TOX: variants seen among roughly 807,000 people sequenced by gnomAD.
The protein encoded by TOX is thymocyte selection associated high mobility group box, also known as thymocyte selection-associated high mobility group box protein TOX.
Under a neutral mutation model 53.7 loss-of-function variants are expected in TOX, and 11 were observed. The observed-to-expected ratio is 0.20, with a 90% confidence interval of 0.13 to 0.34. The LOEUF (loss-of-function observed/expected upper bound fraction) is 0.34, where lower values mean the gene tolerates loss of function less well. TOX is among the 10% of genes least tolerant of loss of function. The pLI, the probability that TOX is intolerant of heterozygous loss-of-function variation, is 1.00. For missense variants in TOX, 570 were observed against 664.6 expected (o/e 0.86, Z 1.56); for synonymous variants, 225 against 245.3 (o/e 0.92, Z 0.77).
intron 3 of TOX, among the ~76,000 whole-genome samples, chr8:58,893,220 A>G (rs376414048): frequency 3.3e-5 from 5 of 151,376 alleles, no homozygotes; most frequent in Non-Finnish European, 5.9e-5. Context: ...TCCCCCCCAC[A>G]AAACACAGAC....
At chr8:58,979,509 A>C (rs1340318018) in intron 1 of TOX, among the ~76,000 whole-genome samples, 1 of 152,220 alleles carries the variant, frequency 6.6e-6, no homozygotes, top group Non-Finnish European at 1.5e-5. Flanking sequence ...CCAAGACTGC[A>C]ACTTCATTCT....
At chr8:58,992,659 TG>T (rs1241667694) in intron 1 of TOX, 1 of 152,246 alleles carries the variant, frequency 6.6e-6, no homozygotes, top group Non-Finnish European at 1.5e-5. Flanking sequence ...TAATCAATCG[TG>T]CTTATGTAAG....
intron 3 of TOX, among the ~76,000 whole-genome samples, chr8:58,887,064 G>A (rs1017795337): frequency 2.0e-5 from 3 of 151,820 alleles, no homozygotes; most frequent in Non-Finnish European, 4.4e-5. Context: ...AATAGAAAAT[G>A]AGTGTGGAAT....
chr8:59,074,814 C>T (rs978066789), intron 1 of TOX, among the ~76,000 whole-genome samples: 12 of 152,126 alleles, frequency 7.9e-5, no homozygotes, highest in Non-Finnish European at 1.2e-4. Flanking sequence ...ATGTCCAACA[C>T]TCAGACAGCA....
chr8:58,921,090 A>G lies in TOX; in HGVS notation c.411+18212T>C, dbSNP rs892637299. On this transcript the variant is annotated intron_variant, in intron 3 of 8. Transcript: ENST00000361421. The stretch of plus-strand genomic sequence containing the variant: ...GGAGTTAAGAAAGGAAACACAGAGA[A>G]CCAGGAGGTACTGTTCATCAGAGGG... 2.7e-5 allele frequency among the ~76,000 whole-genome samples: 4 copies of G among 150,508 alleles called. No homozygotes were observed. The East Asian group carries it at 7.8e-4, about 29-fold the overall frequency.
intron 6 of TOX, among the ~76,000 whole-genome samples, chr8:58,818,289 T>G (rs16924010): frequency 6.6e-6 from 1 of 152,132 alleles, no homozygotes; most frequent in African/African-American, 2.4e-5. Flanking sequence ...TCAAAGTAAA[T>G]AGAGTTCCAA....
chr8:59,061,784 T>C (rs1339878406), intron 1 of TOX, among the ~76,000 whole-genome samples: 1 of 151,964 alleles, frequency 6.6e-6, no homozygotes, highest in Non-Finnish European at 1.5e-5. Context: ...GAGATCACCA[T>C]GGAAGAGGAA....
intron 2 of TOX, among the ~76,000 whole-genome samples, chr8:58,959,070 A>G (rs918800844): frequency 2.6e-5 from 4 of 152,230 alleles, no homozygotes; most frequent in Non-Finnish European, 5.9e-5. Context: ...TTACTAACAT[A>G]TGAAATTCCA....
At chr8:58,983,349 G>T (rs1415619131) in intron 1 of TOX, among the ~76,000 whole-genome samples, 1 of 152,170 alleles carries the variant, frequency 6.6e-6, no homozygotes, top group East Asian at 1.9e-4. Context: ...AGGGGCCTGA[G>T]AATTTGCATG....
intron 5 of TOX, among the ~76,000 whole-genome samples, chr8:58,829,415 G>A (rs554074455): frequency 7.9e-5 from 12 of 152,236 alleles, no homozygotes; most frequent in South Asian, 2.1e-4. Flanking sequence ...TGGGATCATC[G>A]CATAAGTGCC....
rs114889456 is a variant in TOX at position 58,853,067 on chromosome 8, A to G, written c.412-1262T>C. Among the ~76,000 whole-genome samples the G allele has an allele frequency of 3.9e-3, 596 of 152,292 alleles. 5 individuals carry two copies. The highest frequency in any genetic ancestry group is 0.014 in the African/African-American group (566 of 41,564). ...CTAGTTAGATTCACCTAAAGCTAAA[A>G]CTGAGGCTGTCCACAGCCCCCATGT... On this transcript the variant is annotated intron_variant, in intron 3 of 8. Transcript: ENST00000361421.
At chr8:58,843,451 G>A (rs1379455126) in intron 4 of TOX, among the ~76,000 whole-genome samples, 3 of 152,102 alleles carry the variant, frequency 2.0e-5, no homozygotes, top group Non-Finnish European at 4.4e-5. Context: ...TACATATGGG[G>A]GAAAAACTAT....
At chr8:58,837,750 CA>C (rs1221862065) in intron 5 of TOX, among the ~76,000 whole-genome samples, 2 of 152,046 alleles carry the variant, frequency 1.3e-5, no homozygotes, top group Admixed American at 6.5e-5. Flanking sequence ...GGACAGTTTT[CA>C]AAATACTTTT....
At chr8:59,085,416 T>C (rs929083792) in intron 1 of TOX, among the ~76,000 whole-genome samples, 1 of 152,046 alleles carries the variant, frequency 6.6e-6, no homozygotes, top group African/African-American at 2.4e-5. Flanking sequence ...TAAGACAGGG[T>C]CTTACTCTGT....
chr8:58,960,203 C>G (rs982737628), intron 1 of TOX, among the ~76,000 whole-genome samples, 195 bp from the exon 2 acceptor site: 4 of 152,100 alleles, frequency 2.6e-5, no homozygotes, highest in African/African-American at 9.7e-5. Context: ...CTTACTGACC[C>G]TGGATGTCAG....
chr8:58,907,702 G>A (rs12675191), intron 3 of TOX, among the ~76,000 whole-genome samples: 37,718 of 152,060 alleles, frequency 0.25, 5,577 homozygotes, highest in East Asian at 0.38. Context: ...CCCCACATCC[G>A]CCCTCCTAGT....
intron 1 of TOX, among the ~76,000 whole-genome samples, chr8:58,980,625 A>C (rs1813187104): frequency 1.3e-5 from 2 of 152,150 alleles, no homozygotes; most frequent in Non-Finnish European, 2.9e-5. Context: ...CTCATGTTCC[A>C]GGCATATTCC....
chr8:59,085,621 T>C (rs1371002320), intron 1 of TOX, among the ~76,000 whole-genome samples: 1 of 152,168 alleles, frequency 6.6e-6, no homozygotes, highest in Non-Finnish European at 1.5e-5. Flanking sequence ...CTCCTGGGCT[T>C]AAACAATCCT....
chr8:58,910,497 C>A (rs762617342), intron 3 of TOX, among the ~76,000 whole-genome samples: 2 of 152,092 alleles, frequency 1.3e-5, no homozygotes, highest in African/African-American at 2.4e-5. Context: ...AATGTTCAAC[C>A]GGCCATGTAT....
Sources: allele counts gnomAD v4.1 joint callset (sites outside exome capture counted in the v4.1 genomes callset), GRCh38; gene constraint gnomAD v4.1.1; transcripts MANE v1.5; gene names NCBI Gene and HGNC (gene_info 2026-07-23, HGNC 2026-07-21).